The following GRK7 variants were observed in gnomAD, a reference collection of about 807,000 sequenced individuals.
GRK7 encodes the protein G protein-coupled receptor kinase 7.
Under a neutral mutation model 34.1 loss-of-function variants are expected in GRK7, and 24 were observed. That is an observed-to-expected ratio of 0.70 (90% confidence interval 0.51 to 0.99). The LOEUF (loss-of-function observed/expected upper bound fraction) is 0.99. GRK7 is among the 50% of genes least tolerant of loss of function. The pLI is 0.00. For missense variants in GRK7, 644 were observed against 707.3 expected (o/e 0.91, Z 1.02); for synonymous variants, 256 against 279.4 (o/e 0.92, Z 0.84).
At chr3:141,768,617 A>T (rs1288150218) in intron 1 of GRK7, among the ~76,000 whole-genome samples, 2 of 151,562 alleles carry the variant, frequency 1.3e-5, no homozygotes, top group Non-Finnish European at 2.9e-5. Flanking sequence ...ACTACCATTA[A>T]TTTTTTCTCC....
chr3:141,807,657 G>C lies in GRK7; in HGVS notation c.1063G>C (p.Gly355Arg). ...TGGGATGTTACAGGCTGGAACCAATGGTTACATGGCTCCTGAGATCCTAAT... is the reference window on the plus strand; with the variant it reads ...TGGGATGTTACAGGCTGGAACCAATCGTTACATGGCTCCTGAGATCCTAAT... ...KPITQRAGTN[G>R]YMAPEILMEK... Residue 355 changes from glycine to arginine, a missense_variant, in exon 5 of 6, where the codon GGT becomes CGT. Physicochemically the swap from Gly to Arg is moderately radical, Grantham distance 125. Coordinates refer to ENST00000682958, the MANE Select transcript of GRK7 (RefSeq NM_139209.3). 6.2e-7 allele frequency: 1 copy of C among 1,613,922 alleles called. No homozygotes were observed. The highest frequency in any genetic ancestry group is 8.5e-7 in the Non-Finnish European group (1 of 1,179,828).
At chr3:141,800,861 T>C (rs535667942) in intron 4 of GRK7, among the ~76,000 whole-genome samples, 2 of 152,306 alleles carry the variant, frequency 1.3e-5, no homozygotes, top group African/African-American at 2.4e-5. Context: ...TTGGGTGGTA[T>C]TTATGAGGGC....
In GRK7 at chr3:141,780,740, C is replaced by A. The variant is rs2084668426; in HGVS notation, c.979C>A (p.Leu327Ile). 1 of 1,614,078 alleles carries A rather than the reference C, an allele frequency of 6.2e-7. No individual in the cohort carries two copies. The highest frequency in any genetic ancestry group is 8.5e-7 in the Non-Finnish European group (1 of 1,180,054). Residue 327 changes from leucine (L) to isoleucine (I), a missense_variant, in exon 4 of 6, where the codon CTC becomes ATC. Physicochemically the swap from Leu to Ile is conservative, Grantham distance 5. Coordinates refer to ENST00000682958, the MANE Select transcript of GRK7 (RefSeq NM_139209.3). ...GCCTGAGAATGTGCTTCTGGATGACCTCGGCAACTGCAGGTTATCTGACCT... is the reference window on the plus strand; with the variant it reads ...GCCTGAGAATGTGCTTCTGGATGACATCGGCAACTGCAGGTTATCTGACCT... ...MKPENVLLDD[L>I]GNCRLSDLGL... is the part of the protein sequence containing the mutation.
intron 4 of GRK7, among the ~76,000 whole-genome samples, chr3:141,804,682 C>T (rs1559846982): frequency 6.6e-6 from 1 of 151,732 alleles, no homozygotes. Context: ...CAGATACACA[C>T]ATACACACAT....
the GRK7 span, among the ~76,000 whole-genome samples, chr3:141,754,866 A>C: frequency 1.3e-5 from 2 of 152,168 alleles, no homozygotes; most frequent in African/African-American, 4.8e-5. Context: ...CTCTGATATG[A>C]CATCTTCATG....
At chr3:141,795,902 G>C (rs551099300) in intron 4 of GRK7, among the ~76,000 whole-genome samples, 1 of 152,322 alleles carries the variant, frequency 6.6e-6, no homozygotes, top group African/African-American at 2.4e-5. Context: ...TGGAGTCACG[G>C]GAATAAGGAG....
intron 1 of GRK7, among the ~76,000 whole-genome samples, chr3:141,768,283 T>C (rs978880633): frequency 2.0e-5 from 3 of 151,682 alleles, no homozygotes; most frequent in Non-Finnish European, 2.9e-5. Flanking sequence ...TTTTTTTTTT[T>C]TTTTGAGACG....
intron 2 of GRK7, among the ~76,000 whole-genome samples, chr3:141,776,230 T>G (rs1013333716): frequency 6.6e-6 from 1 of 151,878 alleles, no homozygotes; most frequent in South Asian, 2.1e-4. Flanking sequence ...GAGTTTGCAG[T>G]GAGCCGAGAT....
chr3:141,803,983 ACAGG>A (rs1246183267), intron 4 of GRK7, among the ~76,000 whole-genome samples: 3 of 152,168 alleles, frequency 2.0e-5, no homozygotes, highest in African/African-American at 7.2e-5. Context: ...TGCTGGGATT[ACAGG>A]CATGAGCCAC....
chr3:141,789,544 C>G (rs896869055), intron 4 of GRK7, among the ~76,000 whole-genome samples: 1 of 151,958 alleles, frequency 6.6e-6, no homozygotes, highest in African/African-American at 2.4e-5. Context: ...CTGCCTGTCC[C>G]AGGAGCCAGA....
chr3:141,797,748 T>G (rs1223738112), intron 4 of GRK7, among the ~76,000 whole-genome samples: 1 of 152,156 alleles, frequency 6.6e-6, no homozygotes, highest in Non-Finnish European at 1.5e-5. Flanking sequence ...TCTCCCCGTC[T>G]GCGTCGCTAA....
In GRK7 at chr3:141,818,851, A is replaced by G. The variant is rs1271916475; in HGVS notation, c.*1801A>G. On this transcript the variant is annotated 3_prime_UTR_variant, in exon 6 of 6. Transcript: ENST00000682958. ...ATCTGAATAACAGTAATACTCATCT[A>G]CAAGACAGCATTAACCACACCTGGA... 3.3e-5 allele frequency among the ~76,000 whole-genome samples: 5 copies of G among 152,222 alleles called. No individual in the cohort carries two copies. The highest frequency in any genetic ancestry group is 1.2e-4 in the African/African-American group (5 of 41,454).
chr3:141,791,372 T>A (rs1577919349), intron 4 of GRK7, among the ~76,000 whole-genome samples: 2 of 152,254 alleles, frequency 1.3e-5, no homozygotes, highest in Admixed American at 1.3e-4. Context: ...TTTTTTTTCT[T>A]TAAGTGCTCA....
chr3:141,792,803 C>T (rs1415140460), intron 4 of GRK7, among the ~76,000 whole-genome samples: 1 of 152,192 alleles, frequency 6.6e-6, no homozygotes, highest in Non-Finnish European at 1.5e-5. Context: ...TAGGAAGCTG[C>T]AGGATGGAGA....
intron 5 of GRK7, among the ~76,000 whole-genome samples, chr3:141,811,272 C>T (rs1450533729): frequency 6.6e-6 from 1 of 151,748 alleles, no homozygotes; most frequent in African/African-American, 2.4e-5. Flanking sequence ...GAGCCAAGAT[C>T]GCGCCACTGC....
chr3:141,806,748 C>A (rs565509306), intron 4 of GRK7, among the ~76,000 whole-genome samples: 1 of 151,956 alleles, frequency 6.6e-6, no homozygotes, highest in South Asian at 2.1e-4. Flanking sequence ...GGAAGAATGG[C>A]AAGTTGTTTA....
intron 5 of GRK7, among the ~76,000 whole-genome samples, chr3:141,810,473 T>TACCCTCTC (rs1711082905): frequency 6.6e-6 from 1 of 151,702 alleles, no homozygotes; most frequent in African/African-American, 2.4e-5. Context: ...TCTACCCTCT[T>TACCCTCTC]ACCCTCTCAC....
rs1415278045 is a variant in GRK7 at position 141,778,404 on chromosome 3, C to G, written c.120C>G (p.Pro40=). 6.2e-7 allele frequency: 1 copy of G among 1,612,576 alleles called. No homozygotes were observed. The highest frequency in any genetic ancestry group is 1.1e-5 in the South Asian group (1 of 91,042). Residue 40 remains proline (P), a synonymous_variant, in exon 3 of 6, where the codon CCC becomes CCG. Transcript: ENST00000682958. This position sits in a 1 kb window ranked among gnomAD's most constrained non-coding sequence, Gnocchi z 4.1. ...LQRRRRSLAL[P]GLQGCAELRQ... ...GGCGGCGGCGTAGCCTGGCCCTGCC[C>G]GGGCTGCAGGGCTGCGCGGAGCTCC...
At chr3:141,760,036 T>C (rs2107867345), upstream of GRK7, among the ~76,000 whole-genome samples, 2 of 135,852 alleles carry the variant, frequency 1.5e-5, no homozygotes, top group South Asian at 2.6e-4. Context: ...GTCTATTTGA[T>C]TCTTCTCTCT....
Sources: gnomAD v4.1 joint callset for allele counts (sites outside exome capture counted in the v4.1 genomes callset) on GRCh38, gnomAD v4.1.1 for gene constraint, Gnocchi (gnomAD v3.1) non-coding constraint, MANE v1.5 for transcripts, NCBI Gene and HGNC (gene_info 2026-07-23, HGNC 2026-07-21) for gene names.